Variants in SDK1 observed in about 807,000 individuals in gnomAD.
SDK1 encodes sidekick cell adhesion molecule 1, also known as protein sidekick-1.
A neutral mutation model predicts 245.5 loss-of-function variants in SDK1; 157 were observed. The observed-to-expected ratio is 0.64, with a 90% confidence interval of 0.56 to 0.73. The LOEUF is 0.73. Among genes scored for constraint, SDK1 ranks in the 30% least tolerant of loss-of-function variants. The pLI is 0.00. For synonymous variants in SDK1, 1,647 were observed against 1,278.5 expected, an observed-to-expected ratio of 1.29 and a Z score of -6.15; for missense variants, 3,583 against 3,002.3, an observed-to-expected ratio of 1.19 and a Z score of -4.52.
At chr7:3,315,651 CT>C (rs997151648) in intron 1 of SDK1, among the ~76,000 whole-genome samples, 4 of 152,122 alleles carry the variant, frequency 2.6e-5, no homozygotes, top group Non-Finnish European at 4.4e-5. Flanking sequence ...AGGGATTTCT[CT>C]TTTTTTCCTG....
intron 1 of SDK1, among the ~76,000 whole-genome samples, chr7:3,607,472 T>C (rs1283444571): frequency 6.6e-6 from 1 of 152,254 alleles, no homozygotes. Context: ...GGTGTGATCC[T>C]ATTCTGTGTT....
chr7:3,545,506 A>G (rs1218733463), intron 1 of SDK1, among the ~76,000 whole-genome samples: 1 of 152,148 alleles, frequency 6.6e-6, no homozygotes. Flanking sequence ...TAATGCAAAT[A>G]TTTATCTGCG....
At chr7:3,618,464 G>T (rs559317539) in intron 1 of SDK1, among the ~76,000 whole-genome samples, 1 of 152,082 alleles carries the variant, frequency 6.6e-6, no homozygotes, top group African/African-American at 2.4e-5. Context: ...GATGTGTGTG[G>T]GATTTACCTG....
chr7:4,104,759 A>G (rs1452720498), intron 22 of SDK1, among the ~76,000 whole-genome samples: 1 of 152,146 alleles, frequency 6.6e-6, no homozygotes, highest in Non-Finnish European at 1.5e-5. Context: ...GCTGGAGTGC[A>G]GTGGTGTGAT....
intron 5 of SDK1, among the ~76,000 whole-genome samples, chr7:3,867,410 C>T (rs1277786813): frequency 3.3e-5 from 5 of 152,138 alleles, no homozygotes; most frequent in Non-Finnish European, 7.3e-5. Context: ...TCCATTTTCA[C>T]GCTGCTGATA....
intron 22 of SDK1, among the ~76,000 whole-genome samples, chr7:4,093,121 A>T (rs1244895620): frequency 6.6e-6 from 1 of 152,172 alleles, no homozygotes; most frequent in Non-Finnish European, 1.5e-5. Flanking sequence ...TGCCAAAAAA[A>T]AAAGCAGCAG....
At chr7:4,226,551 G>A (rs1785460346) in intron 40 of SDK1, among the ~76,000 whole-genome samples, 1 of 152,210 alleles carries the variant, frequency 6.6e-6, no homozygotes. Context: ...AGCAGCTAAT[G>A]AAATTAGCAC....
chr7:3,908,305 C>A (rs1039544938), intron 5 of SDK1, among the ~76,000 whole-genome samples: 1 of 152,182 alleles, frequency 6.6e-6, no homozygotes, highest in Non-Finnish European at 1.5e-5. Context: ...TGCACAAATG[C>A]AAGTGGAAGC....
intron 20 of SDK1, among the ~76,000 whole-genome samples, chr7:4,075,396 C>T (rs1584036252): frequency 6.6e-6 from 1 of 152,324 alleles, no homozygotes; most frequent in Middle Eastern, 3.4e-3. Flanking sequence ...CCTGCAAGTG[C>T]AACTCCTAGC....
intron 1 of SDK1, among the ~76,000 whole-genome samples, chr7:3,600,234 T>C (rs1781211320): frequency 6.6e-6 from 1 of 152,258 alleles, no homozygotes; most frequent in Middle Eastern, 3.2e-3. Context: ...TCATCGTTTA[T>C]AGAAATGTGA....
chr7:3,825,244 A>G (rs1025309443), intron 5 of SDK1, among the ~76,000 whole-genome samples: 10 of 147,516 alleles, frequency 6.8e-5, no homozygotes, highest in African/African-American at 2.2e-4. Flanking sequence ...TGCTTTGAAG[A>G]TTTTACGTTG....
intron 1 of SDK1, among the ~76,000 whole-genome samples, chr7:3,432,958 A>G (rs1255190400): frequency 6.6e-6 from 1 of 152,234 alleles, no homozygotes; most frequent in African/African-American, 2.4e-5. Flanking sequence ...ATTCACTTAC[A>G]GAAGAGAGTG....
chr7:3,866,194 C>T (rs1412590599), intron 5 of SDK1, among the ~76,000 whole-genome samples: 1 of 152,234 alleles, frequency 6.6e-6, no homozygotes, highest in Non-Finnish European at 1.5e-5. Context: ...ACTTTGGTCT[C>T]AGATCACACT....
chr7:3,801,516 GCTCT>G (rs1490967648), intron 4 of SDK1, among the ~76,000 whole-genome samples: 2 of 152,058 alleles, frequency 1.3e-5, no homozygotes, highest in African/African-American at 4.8e-5. Flanking sequence ...TTGTCATTGT[GCTCT>G]CTCTCTATCG....
intron 5 of SDK1, among the ~76,000 whole-genome samples, chr7:3,938,416 G>A (rs1352171766): frequency 2.0e-5 from 3 of 152,088 alleles, no homozygotes; most frequent in Non-Finnish European, 4.4e-5. Flanking sequence ...GCCGAGGCGG[G>A]AGGATCACAA....
Position 3,951,871 on chromosome 7 carries a change from G to T in SDK1, c.1101G>T (p.Pro367=). 1.9e-6 allele frequency: 3 copies of T among 1,613,664 alleles called. No homozygotes were observed. The highest frequency in any genetic ancestry group is 2.5e-6 in the Non-Finnish European group (3 of 1,179,996). Residue 367 remains proline (P), a synonymous_variant, in exon 7 of 45, where the codon CCG becomes CCT. Transcript: ENST00000404826. ...TGPYVCEAAL[P]GSAFEPARAT... ...CATACGTCTGCGAGGCGGCGCTGCC[G>T]GGGAGCGCTTTTGAACCGGCCAGGG...
intron 5 of SDK1, among the ~76,000 whole-genome samples, chr7:3,930,082 C>T (rs533491934): frequency 6.6e-6 from 1 of 152,268 alleles, no homozygotes; most frequent in East Asian, 1.9e-4. Context: ...AATGAGAAGG[C>T]GCTGAGGTGA....
intron 28 of SDK1, among the ~76,000 whole-genome samples, chr7:4,144,619 G>A (rs1430411866): frequency 6.6e-6 from 1 of 152,016 alleles, no homozygotes; most frequent in Non-Finnish European, 1.5e-5. Context: ...ATGCCTGTGA[G>A]CTCGGTCGTT....
At chr7:3,388,768 T>G (rs1781672671) in intron 1 of SDK1, among the ~76,000 whole-genome samples, 1 of 151,650 alleles carries the variant, frequency 6.6e-6, no homozygotes, top group Non-Finnish European at 1.5e-5. Context: ...GGATGCAATT[T>G]TAAATGAGAT....
Sources: allele counts gnomAD v4.1 joint callset (sites outside exome capture counted in the v4.1 genomes callset), GRCh38; gene constraint gnomAD v4.1.1; transcripts MANE v1.5; gene names NCBI Gene and HGNC (gene_info 2026-07-23, HGNC 2026-07-21).